Variants in KLHL12 observed in about 807,000 individuals in gnomAD.
The protein encoded by KLHL12 is kelch like family member 12.
KLHL12 carries 17 observed loss-of-function variants against 60.8 expected under a neutral mutation model. The observed-to-expected ratio is 0.28, with a 90% CI of 0.19 to 0.42. The LOEUF (loss-of-function observed/expected upper bound fraction) is 0.42. Among genes scored for constraint, KLHL12 ranks in the 10% least tolerant of loss-of-function variants. The pLI is 1.00. For missense variants in KLHL12, 468 were observed against 722.3 expected, an observed-to-expected ratio of 0.65 and a Z score of 4.04; for synonymous variants, 220 against 250.9, an observed-to-expected ratio of 0.88 and a Z score of 1.16.
In KLHL12 at chr1:202,925,134, A is replaced by C; in HGVS notation, c.29T>G (p.Ile10Arg). The C allele has an allele frequency of 6.2e-7, 1 of 1,614,114 alleles. No homozygotes were observed. The highest frequency in any genetic ancestry group is 8.5e-7 in the Non-Finnish European group (1 of 1,179,998). Reference protein sequence around the residue: MGGIMAPKDIMTNTHAKSIL... With the variant: MGGIMAPKDRMTNTHAKSIL... ...GGATTTAGCATGAGTATTTGTCATT[A>C]TGTCTTTGGGGGCCATAATGCCTCC... is the stretch of plus-strand genomic sequence containing the variant. The change falls in exon 2 of 12, where the codon ATA (isoleucine) becomes AGA (arginine). Residue 10 changes from isoleucine (I) to arginine (R), a missense_variant. Coordinates refer to ENST00000367261, the MANE Select transcript of KLHL12 (RefSeq NM_021633.4).
intron 2 of KLHL12, among the ~76,000 whole-genome samples, chr1:202,922,451 A>C (rs978992138): frequency 6.7e-6 from 1 of 149,018 alleles, no homozygotes; most frequent in African/African-American, 2.5e-5. Flanking sequence ...AAAAAAAGAG[A>C]GAGCGATAAA....
rs1461837698 is a variant in KLHL12, at chr1:202,893,412, G to A, written c.1407C>T (p.Ala469=). The change falls in exon 11 of 12, where the codon GCC becomes GCT. Residue 469 remains alanine (A), a synonymous_variant. Coordinates refer to ENST00000367261, the MANE Select transcript of KLHL12 (RefSeq NM_021633.4). This position sits in a 1 kb window ranked among gnomAD's most constrained non-coding sequence, Gnocchi z 4.1. ...MATKRSGAGV[A]LLNDHIYVVG... Reference sequence around the variant, plus strand: ...CCACATAAATATGGTCATTCAGCAGGGCTACTCCTGCACCTGGGGAAAATG... The same window carrying A: ...CCACATAAATATGGTCATTCAGCAGAGCTACTCCTGCACCTGGGGAAAATG... The A allele has an allele frequency of 1.2e-6, 2 of 1,612,570 alleles. No individual in the cohort carries two copies. Among genetic ancestry groups the A allele is most frequent in the African/African-American group, 2.7e-5 (2 of 74,848 alleles).
chr1:202,927,337 G>A (rs1404078556), upstream of KLHL12: 1 of 912,268 alleles, frequency 1.1e-6, no homozygotes, highest in Non-Finnish European at 1.3e-6. Context: ...CACGTGACCT[G>A]TCTGTACCCT....
At position 202,927,172 on chromosome 1, in the gene KLHL12, CGGGAGGAG is replaced by C; in HGVS notation, c.-137_-130del. The C allele has an allele frequency of 1.0e-6, 1 of 985,262 alleles. No homozygotes were observed. Among genetic ancestry groups the C allele is most frequent in the Non-Finnish European group, 1.2e-6 (1 of 829,930 alleles). The allele number at this position is 985,262 out of a possible 1,614,324, so 61.0% of individuals were successfully genotyped here. ...TGCGGCGCGGGGCTAGCAGGCGGCTCGGGAGGAGCCGAAGCGCCGCCCAGACCCGGAGG... is the reference window on the plus strand; with the variant it reads ...TGCGGCGCGGGGCTAGCAGGCGGCTCCCGAAGCGCCGCCCAGACCCGGAGG... On this transcript the variant is annotated 5_prime_UTR_variant, in exon 1 of 12. Transcript: ENST00000367261.
intron 6 of KLHL12, among the ~76,000 whole-genome samples, chr1:202,897,245 T>A (rs1462317028): frequency 3.4e-5 from 5 of 146,666 alleles, no homozygotes; most frequent in Admixed American, 2.0e-4. Flanking sequence ...TTTTTTTTTT[T>A]TTTTTTGGAG....
intron 2 of KLHL12, among the ~76,000 whole-genome samples, chr1:202,924,627 A>G (rs1000681649): frequency 2.0e-5 from 3 of 152,200 alleles, no homozygotes; most frequent in South Asian, 4.1e-4. Flanking sequence ...AAACAAAAAA[A>G]GGAGAAAAAT....
At chr1:202,898,995 TG>T (rs1345128205) in intron 6 of KLHL12, among the ~76,000 whole-genome samples, 1 of 151,510 alleles carries the variant, frequency 6.6e-6, no homozygotes, top group African/African-American at 2.4e-5. Context: ...CACATAGGCA[TG>T]GAATAATATC....
At position 202,895,720 on chromosome 1, in the gene KLHL12, A is replaced by C; in HGVS notation, c.940-3T>G. On this transcript the variant is annotated splice_region_variant and splice_polypyrimidine_tract_variant and intron_variant, in intron 7 of 11. Transcript: ENST00000367261. This position sits in a 1 kb window ranked among gnomAD's most constrained non-coding sequence, Gnocchi z 4.2. ...TAACGTCTCTTACGAGTGATGCTCT[A>C]TGGATTTGGAGAGAAGAGGTACAGA... 6.2e-7 allele frequency: 1 copy of C among 1,612,880 alleles called. No individual in the cohort carries two copies. The highest frequency in any genetic ancestry group is 8.5e-7 in the Non-Finnish European group (1 of 1,179,120).
chr1:202,912,658 C>T (rs1660401533), intron 4 of KLHL12: 1 of 1,304,466 alleles, frequency 7.7e-7, no homozygotes, highest in Non-Finnish European at 1.1e-6. Flanking sequence ...CAATACTCTG[C>T]CAAACCACGA....
At chr1:202,899,124 C>A (rs752905625) in intron 6 of KLHL12, among the ~76,000 whole-genome samples, 10 of 151,800 alleles carry the variant, frequency 6.6e-5, no homozygotes, top group Non-Finnish European at 1.5e-4. Context: ...ACCAGCCTAG[C>A]CAACAAGGCA....
At chr1:202,899,718 T>C (rs1659946612) in intron 6 of KLHL12, among the ~76,000 whole-genome samples, 1 of 151,780 alleles carries the variant, frequency 6.6e-6, no homozygotes, top group Admixed American at 6.6e-5. Flanking sequence ...CTCAGCTACT[T>C]GGGAGGCTGA....
chr1:202,924,909 G>A, intron 2 of KLHL12, 59 bp downstream of exon 2: 6 of 1,558,908 alleles, frequency 3.8e-6, no homozygotes, highest in Non-Finnish European at 5.2e-6. Flanking sequence ...TTTATTCAGT[G>A]AAATTAGACA....
chr1:202,902,597 C>T (rs2102418564), intron 6 of KLHL12, among the ~76,000 whole-genome samples: 1 of 152,210 alleles, frequency 6.6e-6, no homozygotes, highest in East Asian at 1.9e-4. Context: ...TAAACAATCA[C>T]ATAAATAACC....
At chr1:202,897,080 C>T (rs1255673283) in intron 6 of KLHL12, 120 bp from the exon 7 acceptor site, 3 of 780,618 alleles carry the variant, frequency 3.8e-6, no homozygotes, top group South Asian at 1.4e-5. Context: ...CTGAGGGATG[C>T]AATCCGAAAT....
chr1:202,902,058 A>T (rs1227481681), intron 6 of KLHL12, among the ~76,000 whole-genome samples: 3 of 152,216 alleles, frequency 2.0e-5, no homozygotes, highest in Admixed American at 2.0e-4. Flanking sequence ...TGAAAAAAAA[A>T]TTACCCATAG....
At chr1:202,900,912 G>A (rs1002521872) in intron 6 of KLHL12, among the ~76,000 whole-genome samples, 6 of 54,856 alleles carry the variant, frequency 1.1e-4, no homozygotes, top group Non-Finnish European at 2.2e-4. Context: ...AGGTGTGGTG[G>A]TGTGCATTTT....
At chr1:202,907,185 C>A (rs1436174812) in intron 6 of KLHL12, among the ~76,000 whole-genome samples, 1 of 152,120 alleles carries the variant, frequency 6.6e-6, no homozygotes, top group Non-Finnish European at 1.5e-5. Context: ...TCTAAAAGTT[C>A]TCTTTTTAAA....
chr1:202,892,575 G>C lies in KLHL12; in HGVS notation c.1665C>G (p.Thr555=), dbSNP rs1353036587. The change falls in exon 12 of 12, where the codon ACC becomes ACG. Residue 555 remains threonine, a synonymous_variant. Coordinates refer to ENST00000367261, the MANE Select transcript of KLHL12 (RefSeq NM_021633.4). ...DSWEVVTSMG[T]QRCDAGVCVL... ...CACAAACACCAGCATCACAGCGCTG[G>C]GTTCCCATGGATGTCACGACTTCCC... is the stretch of plus-strand genomic sequence containing the variant. 6.2e-7 allele frequency: 1 copy of C among 1,613,976 alleles called. No individual in the cohort carries two copies.
intron 2 of KLHL12, among the ~76,000 whole-genome samples, chr1:202,923,874 A>AAAAC (rs3041271): frequency 0.83 from 124,593 of 150,924 alleles, 51,742 homozygotes; most frequent in East Asian, 0.89. Flanking sequence ...AAAAAAACAA[A>AAAAC]AAACAAACAA....
Sources: allele counts gnomAD v4.1 joint callset (sites outside exome capture counted in the v4.1 genomes callset), GRCh38; gene constraint gnomAD v4.1.1; non-coding constraint Gnocchi (gnomAD v3.1); transcripts MANE v1.5; gene names NCBI Gene and HGNC (gene_info 2026-07-23, HGNC 2026-07-21).